The following PDS5B variants were observed in gnomAD, a reference collection of about 807,000 sequenced individuals.
PDS5B encodes sister chromatid cohesion protein PDS5 homolog B.
In PDS5B, 51 loss-of-function variants were observed where a neutral mutation model predicts 184.1. The ratio of observed to expected loss-of-function variants is 0.28; its 90% CI spans 0.22 to 0.35. PDS5B has a LOEUF of 0.35. PDS5B is among the 10% of genes least tolerant of loss of function. PDS5B has a pLI of 1.00. For synonymous variants in PDS5B, 566 were observed against 569.2 expected (o/e 0.99, Z 0.08); for missense variants, 1,180 against 1,723.3 (o/e 0.68, Z 5.58).
At chr13:32,770,632 A>T (rs1954750650) in intron 32 of PDS5B, 22 bp from the exon 33 acceptor site, 1 of 1,602,330 alleles carries the variant, frequency 6.2e-7, no homozygotes, top group Admixed American at 1.7e-5. Flanking sequence ...TGCTATCCAC[A>T]TTTGGGTCTT....
At chr13:32,638,510 G>A (rs1203457004) in intron 1 of PDS5B, among the ~76,000 whole-genome samples, 2 of 152,214 alleles carry the variant, frequency 1.3e-5, no homozygotes, top group Admixed American at 1.3e-4. Flanking sequence ...TCTTTGAGAA[G>A]CTTGTCTGTG....
At chr13:32,687,648 A>G (rs1593429478) in intron 12 of PDS5B, among the ~76,000 whole-genome samples, 1 of 152,310 alleles carries the variant, frequency 6.6e-6, no homozygotes, top group Non-Finnish European at 1.5e-5. Context: ...TTACACATTT[A>G]AAAACAATTT....
chr13:32,760,836 T>C lies in PDS5B; in HGVS notation c.3518+116T>C, dbSNP rs1195269853. The C allele has an allele frequency of 2.5e-5, 25 of 997,570 alleles. No individual in the cohort carries two copies. In the South Asian group the frequency reaches 4.5e-4, roughly 18 times the overall value. 61.8% of individuals were successfully genotyped at this position (997,570 alleles called of 1,614,324 possible). ...AGTAAATGGAAAGTAATGTATTACT[T>C]AATTTTTCCATTTAACATTGGTAGT... On this transcript the variant is annotated intron_variant, in intron 30 of 34. Coordinates refer to ENST00000315596, the MANE Select transcript of PDS5B (RefSeq NM_015032.4).
Position 32,770,612 on chromosome 13 carries a change from C to T in PDS5B, c.4065-42C>T, listed in dbSNP as rs770314708. The T allele has an allele frequency of 3.7e-6, 6 of 1,600,130 alleles. No individual in the cohort carries two copies. The East Asian group carries it at 1.1e-4, about 30-fold the overall frequency. ...TCTGTTTCGTTACTATATTATAAAT[C>T]ATAATTTGATGCTATCCACATTTGG... On this transcript the variant is annotated intron_variant, in intron 32 of 34. Transcript: ENST00000315596.
In PDS5B at chr13:32,751,611, TGTTGAACA is replaced by T. The variant is rs1374328579; in HGVS notation, c.2737-1720_2737-1713del. Among the ~76,000 whole-genome samples the T allele has an allele frequency of 2.6e-5, 4 of 152,244 alleles. 1 individual carries two copies. The highest frequency in any genetic ancestry group is 2.6e-4 in the Admixed American group (4 of 15,280). On this transcript the variant is annotated intron_variant, in intron 24 of 34. Transcript: ENST00000315596. ...TTTGCATTTCACTAATGATTAACGA[TGTTGAACA>T]TTTTTTCATATGCTTGTTGTCTGTG... is the stretch of plus-strand genomic sequence containing the variant.
intron 1 of PDS5B, among the ~76,000 whole-genome samples, chr13:32,609,944 G>A (rs1365131662): frequency 6.6e-6 from 1 of 151,958 alleles, no homozygotes; most frequent in Non-Finnish European, 1.5e-5. Flanking sequence ...TTATGCTAAT[G>A]GCAATAAAAT....
chr13:32,603,134 A>C (rs1265179332), intron 1 of PDS5B, among the ~76,000 whole-genome samples: 1 of 152,152 alleles, frequency 6.6e-6, no homozygotes, highest in African/African-American at 2.4e-5. Flanking sequence ...ATTTGTTGCC[A>C]TTGCTTTTGG....
chr13:32,651,766 T>C (rs765398855), intron 2 of PDS5B, 38 bp from the exon 3 acceptor site: 2 of 1,263,246 alleles, frequency 1.6e-6, no homozygotes, highest in Non-Finnish European at 2.3e-6. Flanking sequence ...TAGTTTTACA[T>C]GGAGCATTTC....
At chr13:32,690,492 A>C (rs1439177881) in intron 13 of PDS5B, 1 of 152,190 alleles carries the variant, frequency 6.6e-6, no homozygotes. Context: ...TAACTATGTT[A>C]TAAGTGGGCA....
At chr13:32,698,599 T>A (rs918887605) in intron 15 of PDS5B, among the ~76,000 whole-genome samples, 10 of 152,196 alleles carry the variant, frequency 6.6e-5, no homozygotes, top group African/African-American at 2.4e-4. Context: ...GATTAATATA[T>A]TTTTAGATTC....
intron 2 of PDS5B, 97 bp downstream of exon 2, chr13:32,648,977 AAAAGC>A (rs1950296477): frequency 1.8e-5 from 13 of 719,840 alleles, no homozygotes; most frequent in South Asian, 1.2e-4. Flanking sequence ...GGTAACTTAA[AAAAGC>A]AAAGCAAAGC....
chr13:32,673,368 AAAT>A lies in PDS5B; in HGVS notation c.846+17_846+19del, dbSNP rs1301977121. On this transcript the variant is annotated intron_variant, in intron 8 of 34. Coordinates refer to ENST00000315596, the MANE Select transcript of PDS5B (RefSeq NM_015032.4). ...AATTTAAATTAAAGGTAACTTGTAA[AAAT>A]AATATGATTCTACCAACCAAGTTAT... 2.5e-6 allele frequency: 4 copies of A among 1,599,406 alleles called. No homozygotes were observed. Among genetic ancestry groups the A allele is most frequent in the African/African-American group, 1.3e-5 (1 of 74,262 alleles).
chr13:32,616,361 G>C (rs949453335), intron 1 of PDS5B, among the ~76,000 whole-genome samples: 1 of 151,516 alleles, frequency 6.6e-6, no homozygotes, highest in Non-Finnish European at 1.5e-5. Flanking sequence ...GGCCCCTCCC[G>C]TCTCTTTAAA....
At chr13:32,706,702 T>C (rs901692412) in intron 17 of PDS5B, among the ~76,000 whole-genome samples, 34 of 152,154 alleles carry the variant, frequency 2.2e-4, no homozygotes, top group Non-Finnish European at 5.9e-5. Flanking sequence ...AAAGAGCAAA[T>C]TGAATAACAT....
chr13:32,731,272 C>G (rs1451626779), intron 19 of PDS5B, among the ~76,000 whole-genome samples: 1 of 152,106 alleles, frequency 6.6e-6, no homozygotes, highest in African/African-American at 2.4e-5. Context: ...ATGGAAGTTT[C>G]TTTTGCTTTG....
rs1033270821 is a variant in PDS5B, at chr13:32,777,305, T to TC, written c.*2254dup. On this transcript the variant is annotated 3_prime_UTR_variant, in exon 35 of 35. Transcript: ENST00000315596. ...GTCTGTAATTTTACGACCTGTCTGTTCTTTTTTTGGGTGGATTACGATGTA... is the reference window on the plus strand; with the variant it reads ...GTCTGTAATTTTACGACCTGTCTGTTCCTTTTTTTGGGTGGATTACGATGTA... 7.3e-5 allele frequency: 11 copies of TC among 151,404 alleles called. No homozygotes were observed. Among genetic ancestry groups the TC allele is most frequent in the African/African-American group, 2.4e-4 (10 of 41,026 alleles). 9.4% of individuals were successfully genotyped at this position (151,404 alleles called of 1,614,324 possible).
intron 1 of PDS5B, among the ~76,000 whole-genome samples, chr13:32,595,384 C>A: frequency 6.6e-6 from 1 of 152,030 alleles, no homozygotes; most frequent in Non-Finnish European, 1.5e-5. Context: ...GAAAAAGATA[C>A]ACAATAAAAA....
Position 32,589,969 on chromosome 13 carries a change from G to T in PDS5B, c.-20+3376G>T, listed in dbSNP as rs766547867. On this transcript the variant is annotated intron_variant, in intron 1 of 34. Transcript: ENST00000315596. ...TTAGTTCAGAATTAAGAATAAATTT[G>T]CTGTGTTGAGACTGTAATTGTTTTA... 2.6e-5 allele frequency among the ~76,000 whole-genome samples: 4 copies of T among 152,146 alleles called. No individual in the cohort carries two copies. The East Asian group carries it at 7.7e-4, about 29-fold the overall frequency.
chr13:32,693,987 A>AT (rs930061929), intron 13 of PDS5B, among the ~76,000 whole-genome samples: 5 of 151,582 alleles, frequency 3.3e-5, no homozygotes, highest in Non-Finnish European at 7.4e-5. Context: ...CAAATTTATA[A>AT]TTTCTCCAGT....
Sources: allele counts gnomAD v4.1 joint callset (sites outside exome capture counted in the v4.1 genomes callset), GRCh38; gene constraint gnomAD v4.1.1; transcripts MANE v1.5; gene names NCBI Gene and HGNC (gene_info 2026-07-23, HGNC 2026-07-21).